RNF152: variants seen among roughly 807,000 people sequenced by gnomAD.
The protein encoded by RNF152 is ring finger protein 152, also known as E3 ubiquitin-protein ligase RNF152.
In RNF152, 11 loss-of-function variants were observed where a neutral mutation model predicts 12.7. The observed-to-expected ratio is 0.86, with a 90% confidence interval of 0.54 to 1.43. The LOEUF is 1.43. Among genes scored for constraint, RNF152 ranks in the 40% most tolerant of loss-of-function variants. The pLI is 0.00. For missense variants in RNF152, 255 were observed against 274.8 expected (o/e 0.93, Z 0.51); for synonymous variants, 113 against 120.3 (o/e 0.94, Z 0.40).
At chr18:61,863,674 C>T (rs1911595833) in intron 1 of RNF152, among the ~76,000 whole-genome samples, 1 of 152,196 alleles carries the variant, frequency 6.6e-6, no homozygotes, top group Admixed American at 6.5e-5. Context: ...GGCCTGTCCT[C>T]AACTAGCATG....
chr18:61,844,273 TA>T (rs1196249722), intron 1 of RNF152, among the ~76,000 whole-genome samples: 5 of 151,462 alleles, frequency 3.3e-5, no homozygotes, highest in Admixed American at 3.3e-4. Context: ...TCTAGGAATC[TA>T]AAAAGCTCAA....
At chr18:61,876,502 T>C (rs1912219824) in intron 1 of RNF152, among the ~76,000 whole-genome samples, 3 of 152,188 alleles carry the variant, frequency 2.0e-5, no homozygotes, top group Admixed American at 2.0e-4. Flanking sequence ...AAGCATCATA[T>C]ACAGATGTTA....
At chr18:61,880,490 C>T (rs185725653) in intron 1 of RNF152, among the ~76,000 whole-genome samples, 2 of 152,278 alleles carry the variant, frequency 1.3e-5, no homozygotes, top group East Asian at 1.9e-4. Flanking sequence ...GACAAGTCAC[C>T]AGGCTTTTCC....
upstream of RNF152, chr18:61,894,036 C>T (rs1200256226): frequency 2.6e-5 from 4 of 152,150 alleles, no homozygotes; most frequent in African/African-American, 9.7e-5. The surrounding 1 kb of genome is among the most constrained non-coding windows in gnomAD (Gnocchi z 4.9). Flanking sequence ...TGCCCTTTCC[C>T]GCTTCCACGG....
At chr18:61,892,289 T>C (rs1344672129) in intron 1 of RNF152, among the ~76,000 whole-genome samples, 1 of 152,220 alleles carries the variant, frequency 6.6e-6, no homozygotes, top group Non-Finnish European at 1.5e-5. Context: ...ATGTCTCTCT[T>C]AATATTGCAA....
intron 1 of RNF152, among the ~76,000 whole-genome samples, chr18:61,871,586 T>C (rs1911999325): frequency 6.6e-6 from 1 of 152,200 alleles, no homozygotes; most frequent in African/African-American, 2.4e-5. Flanking sequence ...GTTTTCACCA[T>C]ATCATTAAGA....
chr18:61,830,404 C>A (rs1360335882), intron 1 of RNF152, among the ~76,000 whole-genome samples: 1 of 152,154 alleles, frequency 6.6e-6, no homozygotes, highest in Non-Finnish European at 1.5e-5. Context: ...CTGCCCCCAG[C>A]CCCTGCTAAC....
chr18:61,844,086 GAAAGAAAGAAAGAAAGA>G (rs1407185038), intron 1 of RNF152, among the ~76,000 whole-genome samples: 9 of 63,794 alleles, frequency 1.4e-4, no homozygotes, highest in African/African-American at 4.3e-4. Flanking sequence ...AGGAAAGAAA[GAAAGAAAGAAAGAAAGA>G]AAGAAAGAAA....
chr18:61,885,915 G>A (rs767630522), intron 1 of RNF152, among the ~76,000 whole-genome samples: 3 of 149,132 alleles, frequency 2.0e-5, no homozygotes, highest in Non-Finnish European at 4.4e-5. Flanking sequence ...CTGGTAGGCT[G>A]TAAAGTCCTA....
At chr18:61,870,188 G>A (rs949288824) in intron 1 of RNF152, among the ~76,000 whole-genome samples, 2 of 152,340 alleles carry the variant, frequency 1.3e-5, no homozygotes, top group Admixed American at 1.3e-4. Context: ...TAAAGAAGCT[G>A]TGTCGGGATG....
At chr18:61,847,414 C>T (rs1681716471) in intron 1 of RNF152, among the ~76,000 whole-genome samples, 1 of 152,198 alleles carries the variant, frequency 6.6e-6, no homozygotes, top group African/African-American at 2.4e-5. Flanking sequence ...CAGAGCTGGT[C>T]AAACAGTGGC....
chr18:61,866,678 T>G (rs1409964370), intron 1 of RNF152, among the ~76,000 whole-genome samples: 1 of 152,246 alleles, frequency 6.6e-6, no homozygotes, highest in Non-Finnish European at 1.5e-5. Context: ...CCCTGCTGTG[T>G]GCTCCTACAG....
intron 1 of RNF152, among the ~76,000 whole-genome samples, chr18:61,866,459 C>T (rs1012872864): frequency 2.0e-5 from 3 of 152,236 alleles, no homozygotes; most frequent in Non-Finnish European, 2.9e-5. Flanking sequence ...CACTCTCGCC[C>T]GCGTTTCTGT....
intron 1 of RNF152, among the ~76,000 whole-genome samples, chr18:61,836,802 G>C (rs1284606614): frequency 6.6e-6 from 1 of 152,088 alleles, no homozygotes; most frequent in Non-Finnish European, 1.5e-5. Context: ...AAGAAAGGCA[G>C]GAATAGAAGG....
intron 1 of RNF152, among the ~76,000 whole-genome samples, chr18:61,833,314 T>G (rs2097650117): frequency 6.6e-6 from 1 of 152,174 alleles, no homozygotes; most frequent in African/African-American, 2.4e-5. Context: ...ACTAATACTC[T>G]CAAGTTATTG....
At chr18:61,823,397 G>A (rs900589368) in intron 1 of RNF152, among the ~76,000 whole-genome samples, 1 of 152,194 alleles carries the variant, frequency 6.6e-6, no homozygotes, top group Admixed American at 6.5e-5. Flanking sequence ...TTGGGTCCAG[G>A]CTATTCTCCT....
intron 1 of RNF152, among the ~76,000 whole-genome samples, chr18:61,854,350 A>T (rs1305261218): frequency 6.6e-6 from 1 of 152,202 alleles, no homozygotes. Context: ...TATATGGGGG[A>T]AAAAAGCAAG....
intron 1 of RNF152, among the ~76,000 whole-genome samples, chr18:61,833,077 G>A (rs28525583): frequency 0.28 from 41,851 of 152,026 alleles, 6,325 homozygotes; most frequent in Non-Finnish European, 0.35. Flanking sequence ...TTCCTCAGCT[G>A]TATCTACTAA....
At chr18:61,884,221 C>T (rs1302090287) in intron 1 of RNF152, among the ~76,000 whole-genome samples, 1 of 126,440 alleles carries the variant, frequency 7.9e-6, no homozygotes, top group African/African-American at 3.1e-5. Flanking sequence ...CGGTTCTCCC[C>T]CATTTTGCAG....
Sources: gnomAD v4.1 joint callset for allele counts (sites outside exome capture counted in the v4.1 genomes callset) on GRCh38, gnomAD v4.1.1 for gene constraint, Gnocchi (gnomAD v3.1) non-coding constraint, MANE v1.5 for transcripts, NCBI Gene and HGNC (gene_info 2026-07-23, HGNC 2026-07-21) for gene names.